The following GBF1 variants were observed in gnomAD, a reference collection of about 807,000 sequenced individuals.
The protein encoded by GBF1 is Golgi-specific brefeldin A-resistance guanine nucleotide exchange factor 1.
GBF1 carries 114 observed loss-of-function variants against 210.5 expected under a neutral mutation model. The observed-to-expected ratio is 0.54, with a 90% CI of 0.47 to 0.63. GBF1 has a LOEUF of 0.63. GBF1 is among the 30% of genes least tolerant of loss of function. The pLI is 0.00. For synonymous variants in GBF1, 850 were observed against 889.2 expected, an observed-to-expected ratio of 0.96 and a Z score of 0.78; for missense variants, 1,851 against 2,357.7, an observed-to-expected ratio of 0.79 and a Z score of 4.45.
chr10:102,284,578 G>A (rs892405140), intron 3 of GBF1, among the ~76,000 whole-genome samples: 23 of 152,272 alleles, frequency 1.5e-4, no homozygotes, highest in Admixed American at 5.9e-4. Context: ...CATCCATGCT[G>A]TAACATGAAT....
intron 1 of GBF1, among the ~76,000 whole-genome samples, chr10:102,256,188 G>T (rs1448408961): frequency 6.6e-6 from 1 of 152,020 alleles, no homozygotes; most frequent in East Asian, 1.9e-4. Context: ...CAAATGATCT[G>T]CCCACCTCAG....
At chr10:102,298,448 A>G (rs537283909) in intron 3 of GBF1, among the ~76,000 whole-genome samples, 2 of 152,322 alleles carry the variant, frequency 1.3e-5, no homozygotes, top group African/African-American at 4.8e-5. Context: ...TTAGCATCAT[A>G]TTATATCATG....
At chr10:102,235,429 C>A in the GBF1 span, among the ~76,000 whole-genome samples, 53 of 152,238 alleles carry the variant, frequency 3.5e-4, no homozygotes, top group East Asian at 4.8e-3. Flanking sequence ...GTCAGCAGAT[C>A]TAGATTCACG....
the GBF1 span, chr10:102,231,887 GC>G: frequency 1.3e-6 from 2 of 1,562,650 alleles, no homozygotes; most frequent in Non-Finnish European, 1.7e-6. Context: ...TCCCACCGGG[GC>G]TGCCCAGCCG....
intron 1 of GBF1, among the ~76,000 whole-genome samples, chr10:102,253,150 C>T (rs1470995124): frequency 1.3e-5 from 2 of 152,296 alleles, no homozygotes; most frequent in East Asian, 3.9e-4. Flanking sequence ...CTGCTTTGGC[C>T]TCCCAAAGTG....
At chr10:102,378,495 G>T (rs771651482) in intron 33 of GBF1, among the ~76,000 whole-genome samples, 1 of 151,866 alleles carries the variant, frequency 6.6e-6, no homozygotes, top group Non-Finnish European at 1.5e-5. Context: ...GGGCATGGTG[G>T]CACACATTGT....
intron 1 of GBF1, among the ~76,000 whole-genome samples, chr10:102,253,689 T>G (rs11599115): frequency 1.1e-4 from 16 of 152,112 alleles, no homozygotes; most frequent in Non-Finnish European, 1.6e-4. Flanking sequence ...AATTTTTAAA[T>G]TTTTTGTAGA....
At chr10:102,317,738 A>G (rs959031571) in intron 3 of GBF1, among the ~76,000 whole-genome samples, 2 of 152,126 alleles carry the variant, frequency 1.3e-5, no homozygotes, top group Non-Finnish European at 2.9e-5. Flanking sequence ...CCTTAGCAAA[A>G]TGGGAATCAT....
At chr10:102,296,695 C>G (rs1324524869) in intron 3 of GBF1, among the ~76,000 whole-genome samples, 1 of 149,828 alleles carries the variant, frequency 6.7e-6, no homozygotes, top group East Asian at 2.0e-4. Flanking sequence ...GAGCTGAGAT[C>G]GTGCCACTGC....
rs1380339259 is a variant in GBF1 at position 102,370,254 on chromosome 10, T to G, written c.3411+9T>G. 1 of 1,593,624 alleles carries G rather than the reference T, an allele frequency of 6.3e-7. No homozygotes were observed. On this transcript the variant is annotated intron_variant, in intron 27 of 39. Coordinates refer to ENST00000369983, the MANE Select transcript of GBF1 (RefSeq NM_001377137.1). ...TACAGGAGCTCATGAAGGTAAAGGA[T>G]GAAGAAAGGAAACATGGAACAACTG...
rs576169710 is a variant in GBF1, at chr10:102,274,450, T to A, written c.163+14334T>A. 3.8e-4 allele frequency among the ~76,000 whole-genome samples: 57 copies of A among 151,970 alleles called. 1 individual carries two copies. The highest frequency in any genetic ancestry group is 7.1e-4 in the Non-Finnish European group (48 of 67,970). ...ATAGTTGATTAGTCTATTAAAAAAATTTTTTTCACCTATAATATGTTCTAT... is the reference window on the plus strand; with the variant it reads ...ATAGTTGATTAGTCTATTAAAAAAAATTTTTTCACCTATAATATGTTCTAT... On this transcript the variant is annotated intron_variant, in intron 3 of 39. Coordinates refer to ENST00000369983, the MANE Select transcript of GBF1 (RefSeq NM_001377137.1).
intron 30 of GBF1, among the ~76,000 whole-genome samples, chr10:102,375,949 A>G (rs1251256910): frequency 2.6e-5 from 4 of 151,898 alleles, no homozygotes; most frequent in African/African-American, 9.7e-5. Flanking sequence ...ACTAAATCCC[A>G]GAAACTGGGA....
At chr10:102,358,389 C>T (rs2059409549) in intron 9 of GBF1, 117 bp from the exon 10 acceptor site, 1 of 808,038 alleles carries the variant, frequency 1.2e-6, no homozygotes, top group African/African-American at 1.7e-5. Context: ...CTTTAGAGAC[C>T]AATATATGCA....
chr10:102,231,024 G>T, the GBF1 span: 17 of 1,600,312 alleles, frequency 1.1e-5, no homozygotes, highest in Non-Finnish European at 1.4e-5. Context: ...GCGGCGCCGC[G>T]AAGCTGCCTT....
At position 102,366,749 on chromosome 10, in the gene GBF1, G is replaced by C. The variant is rs2059934352; in HGVS notation, c.2433+243G>C. Among the ~76,000 whole-genome samples the C allele has an allele frequency of 6.6e-6, 1 of 151,990 alleles. No homozygotes were observed. The highest frequency in any genetic ancestry group is 2.1e-4 in the South Asian group (1 of 4,820). On this transcript the variant is annotated intron_variant, in intron 19 of 39. Transcript: ENST00000369983. The surrounding 1 kb of genome is among the most constrained non-coding windows in gnomAD (Gnocchi z 4.0). ...TTTCAGGCACCTGCCACCAAGCCTGGCTAATTTTTGTATTTTTAGTAGAGA... is the reference window on the plus strand; with the variant it reads ...TTTCAGGCACCTGCCACCAAGCCTGCCTAATTTTTGTATTTTTAGTAGAGA...
Position 102,375,468 on chromosome 10 carries a change from A to G in GBF1, c.3770A>G (p.Asn1257Ser), listed in dbSNP as rs1565181792. 6.2e-7 allele frequency: 1 copy of G among 1,613,676 alleles called. No homozygotes were observed. Among genetic ancestry groups the G allele is most frequent in the Non-Finnish European group, 8.5e-7 (1 of 1,179,546 alleles). ...GAACTCCTGAAGACCAATGCAGCCA[A>G]CATCCACTCAGGTGATGACTGGGCC... ...LHELLKTNAANIHSGDDWATL... is the reference protein window; with the variant it reads ...LHELLKTNAASIHSGDDWATL... Residue 1257 changes from asparagine to serine, a missense_variant, in exon 30 of 40, where the codon AAC (asparagine) becomes AGC (serine). Physicochemically the swap from Asn to Ser is conservative, Grantham distance 46. Around this residue, in one of 3 missense-constraint regions of GBF1, gnomAD observed 967 missense variants for 1,247.7 expected, o/e 0.78. Coordinates refer to ENST00000369983, the MANE Select transcript of GBF1 (RefSeq NM_001377137.1).
chr10:102,339,457 G>A (rs1404848707), intron 3 of GBF1, among the ~76,000 whole-genome samples: 1 of 151,926 alleles, frequency 6.6e-6, no homozygotes, highest in Non-Finnish European at 1.5e-5. Context: ...ACAGGGTCAA[G>A]AGATCGAGAC....
intron 29 of GBF1, among the ~76,000 whole-genome samples, chr10:102,371,671 G>A (rs2060212301): frequency 6.6e-6 from 1 of 152,210 alleles, no homozygotes; most frequent in Admixed American, 6.5e-5. Flanking sequence ...GTTCATGCCT[G>A]TAATCTCAGC....
the GBF1 span, among the ~76,000 whole-genome samples, chr10:102,232,297 A>G: frequency 8.5e-5 from 13 of 152,182 alleles, no homozygotes; most frequent in Admixed American, 3.3e-4. Context: ...CTCTGCATAG[A>G]TATATAAACT....
Sources: allele counts gnomAD v4.1 joint callset (sites outside exome capture counted in the v4.1 genomes callset), GRCh38; gene constraint gnomAD v4.1.1; regional missense constraint gnomAD v4.1.1; non-coding constraint Gnocchi (gnomAD v3.1); transcripts MANE v1.5; gene names NCBI Gene and HGNC (gene_info 2026-07-23, HGNC 2026-07-21).